Variants in DOP1B observed in about 807,000 individuals in gnomAD.
The protein encoded by DOP1B is protein DOP1B.
In DOP1B, 174 loss-of-function variants were observed where a neutral mutation model predicts 233.5. That is an observed-to-expected ratio of 0.75 (90% confidence interval 0.66 to 0.85). The LOEUF is 0.85. Among genes scored for constraint, DOP1B ranks in the 40% least tolerant of loss-of-function variants. DOP1B has a pLI of 0.00. For missense variants in DOP1B, 2,652 were observed against 2,846.6 expected, an observed-to-expected ratio of 0.93 and a Z score of 1.56; for synonymous variants, 1,190 against 1,185.6, an observed-to-expected ratio of 1.00 and a Z score of -0.08.
intron 2 of DOP1B, among the ~76,000 whole-genome samples, chr21:36,173,669 C>T (rs905659393): frequency 2.4e-4 from 37 of 152,076 alleles, no homozygotes; most frequent in African/African-American, 7.9e-4. Flanking sequence ...ATGATTCATC[C>T]GCCTCGGCCT....
chr21:36,221,326 C>G (rs189389318), intron 10 of DOP1B, among the ~76,000 whole-genome samples: 1 of 151,696 alleles, frequency 6.6e-6, no homozygotes, highest in East Asian at 2.0e-4. Flanking sequence ...AACCTGGTCT[C>G]TACAAAAAAA....
chr21:36,194,767 G>A (rs1248321379), intron 2 of DOP1B, among the ~76,000 whole-genome samples: 7 of 152,216 alleles, frequency 4.6e-5, no homozygotes, highest in South Asian at 4.2e-4. Flanking sequence ...GATTACAGGC[G>A]TGAGCCACTG....
intron 1 of DOP1B, 42 bp from the exon 2 acceptor site, chr21:36,164,666 C>T: frequency 6.8e-7 from 1 of 1,466,664 alleles, no homozygotes; most frequent in Non-Finnish European, 9.1e-7. Flanking sequence ...TTTGTATCCC[C>T]AAATGGCTCT....
intron 2 of DOP1B, among the ~76,000 whole-genome samples, chr21:36,189,604 G>A (rs1390939955): frequency 6.6e-6 from 1 of 152,148 alleles, no homozygotes; most frequent in Admixed American, 6.5e-5. Context: ...CAGCTACTCT[G>A]GAGGCTGAGG....
chr21:36,164,371 G>C (rs1283297186), intron 1 of DOP1B, among the ~76,000 whole-genome samples: 3 of 152,140 alleles, frequency 2.0e-5, no homozygotes, highest in East Asian at 3.9e-4. Flanking sequence ...GAGGGGCTGT[G>C]CTCATTTAAA....
At chr21:36,254,350 G>A (rs554084921) in intron 23 of DOP1B, among the ~76,000 whole-genome samples, 1 of 152,284 alleles carries the variant, frequency 6.6e-6, no homozygotes, top group South Asian at 2.1e-4. Flanking sequence ...GAAAGTGTTG[G>A]GTTCAGTTTA....
intron 27 of DOP1B, among the ~76,000 whole-genome samples, chr21:36,273,361 C>T (rs868518526): frequency 2.3e-4 from 35 of 150,752 alleles, no homozygotes; most frequent in East Asian, 7.9e-4. Flanking sequence ...GCGCCGAGAT[C>T]GTGCCACTGC....
rs766480016 is a variant in DOP1B at position 36,223,224 on chromosome 21, T to G, written c.1251-7T>G. 1.9e-6 allele frequency: 3 copies of G among 1,589,784 alleles called. No individual in the cohort carries two copies. The Admixed American group carries it at 5.7e-5, about 30-fold the overall frequency. On this transcript the variant is annotated splice_region_variant and splice_polypyrimidine_tract_variant and intron_variant, in intron 10 of 36. Coordinates refer to ENST00000691173, the MANE Select transcript of DOP1B (RefSeq NM_001320714.2). ...GACATATTTATTCATGTCCTCCCCT[T>G]TTACAGTGCAATCAAGGAAAACAGA...
rs1354124142 is a variant in DOP1B at position 36,164,833 on chromosome 21, T to C, written c.100T>C (p.Trp34Arg). ...GAGAAATTTTGAGTCCTCGAGTGAATGGGCGGATCTCATATCTTCACTTGG... is the reference window on the plus strand; with the variant it reads ...GAGAAATTTTGAGTCCTCGAGTGAACGGGCGGATCTCATATCTTCACTTGG... ...ALRNFESSSEWADLISSLGKL... is the reference protein window; with the variant it reads ...ALRNFESSSERADLISSLGKL... Residue 34 changes from tryptophan to arginine, a missense_variant, in exon 2 of 37, where the codon TGG becomes CGG. Coordinates refer to ENST00000691173, the MANE Select transcript of DOP1B (RefSeq NM_001320714.2). 6.2e-7 allele frequency: 1 copy of C among 1,612,138 alleles called. No individual in the cohort carries two copies. The highest frequency in any genetic ancestry group is 8.5e-7 in the Non-Finnish European group (1 of 1,179,170).
chr21:36,188,989 C>T (rs1412435678), intron 2 of DOP1B, among the ~76,000 whole-genome samples: 1 of 152,092 alleles, frequency 6.6e-6, no homozygotes, highest in African/African-American at 2.4e-5. Flanking sequence ...ATACATATAA[C>T]ATAAAATTTA....
chr21:36,280,396 C>T (rs1041215739), intron 31 of DOP1B, 50 bp downstream of exon 31: 12 of 1,330,524 alleles, frequency 9.0e-6, no homozygotes, highest in Non-Finnish European at 1.2e-5. Context: ...GGATCAATGC[C>T]AATATAACCA....
At chr21:36,200,533 C>T (rs749053706) in intron 4 of DOP1B, 32 bp downstream of exon 4, 4 of 1,572,774 alleles carry the variant, frequency 2.5e-6, no homozygotes, top group African/African-American at 1.4e-5. Context: ...GCTGTGTTTA[C>T]TCCACTGCTT....
chr21:36,257,211 C>T (rs898460053), intron 23 of DOP1B, among the ~76,000 whole-genome samples: 1 of 152,126 alleles, frequency 6.6e-6, no homozygotes, highest in Non-Finnish European at 1.5e-5. Context: ...CTGTGCCCTC[C>T]GTGGGCACAG....
Position 36,230,529 on chromosome 21 carries a change from C to T in DOP1B, c.1745C>T (p.Pro582Leu). Reference sequence around the variant, plus strand: ...CCCGGTGACGAAGATGCTTCGTTTCCCCCTCTGAAGTCTGAGGACAGTGGG... The same window carrying T: ...CCCGGTGACGAAGATGCTTCGTTTCTCCCTCTGAAGTCTGAGGACAGTGGG... Reference protein sequence around the residue: ...VIPGDEDASFPPLKSEDSGIG... With the variant: ...VIPGDEDASFLPLKSEDSGIG... Residue 582 changes from proline (P) to leucine (L), a missense_variant, in exon 14 of 37, where the codon CCC becomes CTC. Around this residue, in one of 3 missense-constraint regions of DOP1B, gnomAD observed 2,617 missense variants for 2,794.3 expected, o/e 0.94. Coordinates refer to ENST00000691173, the MANE Select transcript of DOP1B (RefSeq NM_001320714.2). 1.2e-6 allele frequency: 2 copies of T among 1,613,958 alleles called. No individual in the cohort carries two copies. The highest frequency in any genetic ancestry group is 1.7e-6 in the Non-Finnish European group (2 of 1,179,900).
At chr21:36,169,138 G>A in intron 2 of DOP1B, 1 of 921,900 alleles carries the variant, frequency 1.1e-6, no homozygotes. Flanking sequence ...GCAAAGATGT[G>A]CAGAGAATGA....
At position 36,168,708 on chromosome 21, in the gene DOP1B, T is replaced by G. The variant is rs114503609; in HGVS notation, c.138+3837T>G. Among the ~76,000 whole-genome samples, 1,487 of 152,024 alleles carry G rather than the reference T, an allele frequency of 9.8e-3. 18 individuals are homozygous for G. Among genetic ancestry groups the G allele is most frequent in the African/African-American group, 0.033 (1,373 of 41,430 alleles). The stretch of plus-strand genomic sequence containing the variant: ...TGCCTGGCTAATTTTTTATTTTTAC[T>G]TTTTAATACAGATGGGGTTTCACCA... On this transcript the variant is annotated intron_variant, in intron 2 of 36. Coordinates refer to ENST00000691173, the MANE Select transcript of DOP1B (RefSeq NM_001320714.2).
chr21:36,220,678 T>G (rs904186199), intron 10 of DOP1B, among the ~76,000 whole-genome samples: 23 of 151,484 alleles, frequency 1.5e-4, no homozygotes, highest in African/African-American at 5.6e-4. Context: ...TTTTTTTTTT[T>G]TTTTTTTGTG....
At chr21:36,182,381 T>G (rs1241571303) in intron 2 of DOP1B, among the ~76,000 whole-genome samples, 2 of 152,180 alleles carry the variant, frequency 1.3e-5, no homozygotes, top group Admixed American at 6.5e-5. Context: ...AAAATCCTGC[T>G]TTCCTTGGCA....
At chr21:36,174,226 G>A (rs1039503585) in intron 2 of DOP1B, among the ~76,000 whole-genome samples, 9 of 152,164 alleles carry the variant, frequency 5.9e-5, no homozygotes, top group African/African-American at 1.4e-4. Flanking sequence ...GGTGGCTCAC[G>A]TGTGTAGTCC....
Sources: gnomAD v4.1 joint callset for allele counts (sites outside exome capture counted in the v4.1 genomes callset) on GRCh38, gnomAD v4.1.1 for gene constraint, gnomAD v4.1.1 regional missense constraint, MANE v1.5 for transcripts, NCBI Gene and HGNC (gene_info 2026-07-23, HGNC 2026-07-21) for gene names.